The following FBXL2 variants were observed in gnomAD, a reference collection of about 807,000 sequenced individuals.
FBXL2 encodes the protein F-box/LRR-repeat protein 2.
In FBXL2, 38 loss-of-function variants were observed where a neutral mutation model predicts 69.2. The ratio of observed to expected loss-of-function variants is 0.55; its 90% CI spans 0.42 to 0.72. The LOEUF (loss-of-function observed/expected upper bound fraction) is 0.72. Ranked by LOEUF, FBXL2 falls within the 30% of genes least tolerant of loss-of-function variation. The probability of loss-of-function intolerance (pLI) is 0.00; values close to 1 mark genes in which losing one functional copy is unlikely to be tolerated. For missense variants in FBXL2, 354 were observed against 520.3 expected, an observed-to-expected ratio of 0.68 and a Z score of 3.11; for synonymous variants, 192 against 201.3, an observed-to-expected ratio of 0.95 and a Z score of 0.39.
chr3:33,307,071 A>G (rs1000320843), intron 2 of FBXL2, among the ~76,000 whole-genome samples: 1 of 152,134 alleles, frequency 6.6e-6, no homozygotes, highest in Non-Finnish European at 1.5e-5. Flanking sequence ...AAATATTTAC[A>G]TAGTTTCAAA....
chr3:33,327,422 T>TA (rs1183207675), intron 2 of FBXL2, among the ~76,000 whole-genome samples: 1 of 152,126 alleles, frequency 6.6e-6, no homozygotes, highest in Non-Finnish European at 1.5e-5. Flanking sequence ...GTTTGTCCTA[T>TA]AATCCACCCC....
At chr3:33,330,190 G>C (rs1032578597) in intron 2 of FBXL2, among the ~76,000 whole-genome samples, 1 of 151,946 alleles carries the variant, frequency 6.6e-6, no homozygotes, top group Non-Finnish European at 1.5e-5. Context: ...GGCTGAGGTG[G>C]AAGGATCTCT....
intron 5 of FBXL2, among the ~76,000 whole-genome samples, chr3:33,370,546 T>A (rs1381982952): frequency 6.6e-6 from 1 of 152,222 alleles, no homozygotes; most frequent in African/African-American, 2.4e-5. Flanking sequence ...GTCACCCTTA[T>A]GTTTTATTCT....
chr3:33,415,449 A>G, the FBXL2 span, among the ~76,000 whole-genome samples: 12 of 152,358 alleles, frequency 7.9e-5, no homozygotes, highest in Admixed American at 2.6e-4. Context: ...GGAATAGATG[A>G]AACAAGTCTG....
At chr3:33,328,900 T>G (rs913311738) in intron 2 of FBXL2, among the ~76,000 whole-genome samples, 1 of 151,896 alleles carries the variant, frequency 6.6e-6, no homozygotes, top group East Asian at 1.9e-4. Flanking sequence ...AAGCTAAAAC[T>G]ATTCTGCACA....
At chr3:33,288,616 T>G (rs963599783) in intron 1 of FBXL2, among the ~76,000 whole-genome samples, 2 of 152,148 alleles carry the variant, frequency 1.3e-5, no homozygotes, top group African/African-American at 4.8e-5. Context: ...AGGGCACTAC[T>G]CAAAGGTGCC....
At chr3:33,312,657 T>C (rs1206539590) in intron 2 of FBXL2, among the ~76,000 whole-genome samples, 1 of 152,210 alleles carries the variant, frequency 6.6e-6, no homozygotes, top group Non-Finnish European at 1.5e-5. Flanking sequence ...TTTTAGCTAC[T>C]ATATATTATA....
intron 2 of FBXL2, among the ~76,000 whole-genome samples, chr3:33,308,173 G>A (rs2036883431): frequency 6.6e-6 from 1 of 152,112 alleles, no homozygotes; most frequent in Admixed American, 6.6e-5. Context: ...ACTGCACCTG[G>A]CTTCTTGTAG....
rs187765439 is a variant in FBXL2, at chr3:33,367,842, G to A, written c.290+3123G>A. 3.7e-4 allele frequency among the ~76,000 whole-genome samples: 57 copies of A among 152,092 alleles called. 1 individual carries two copies. The highest frequency in any genetic ancestry group is 3.7e-3 in the Admixed American group (56 of 15,268). On this transcript the variant is annotated intron_variant, in intron 5 of 14. Transcript: ENST00000484457. ...TTTGAGACCTTTTTTTCTAGTATGG[G>A]AGTTTAATGACATAAACTAAGTCAA... is the stretch of plus-strand genomic sequence containing the variant.
At chr3:33,411,448 A>T in the FBXL2 span, 1 of 704,068 alleles carries the variant, frequency 1.4e-6, no homozygotes, top group Non-Finnish European at 2.4e-6. Flanking sequence ...AAACCTAACT[A>T]TGTATATAGA....
chr3:33,309,381 C>T (rs2036991653), intron 2 of FBXL2, among the ~76,000 whole-genome samples: 1 of 152,028 alleles, frequency 6.6e-6, no homozygotes, highest in African/African-American at 2.4e-5. Flanking sequence ...TCTCTTTTTA[C>T]AGTTTTTGAC....
intron 13 of FBXL2, 175 bp from the exon 14 acceptor site, chr3:33,383,814 G>C (rs1028737610): frequency 1.8e-5 from 11 of 603,240 alleles, no homozygotes; most frequent in Middle Eastern, 4.2e-4. Flanking sequence ...GTAATGAACA[G>C]AAACTTCTCA....
intron 5 of FBXL2, chr3:33,372,785 C>G: frequency 4.2e-6 from 2 of 481,780 alleles, no homozygotes; most frequent in East Asian, 3.8e-5. Context: ...TCTCATGATT[C>G]GGTGATGACT....
the FBXL2 span, chr3:33,416,941 T>C: frequency 1.9e-5 from 18 of 941,964 alleles, no homozygotes; most frequent in African/African-American, 1.7e-4. Flanking sequence ...ACAATGATAG[T>C]TTGTTAATTT....
chr3:33,361,658 A>G (rs756627349), intron 4 of FBXL2, among the ~76,000 whole-genome samples: 5 of 152,260 alleles, frequency 3.3e-5, no homozygotes, highest in African/African-American at 4.8e-5. Context: ...TTAAAAGTAT[A>G]TCCACCAAAG....
At chr3:33,334,113 T>C (rs2039379602) in intron 2 of FBXL2, among the ~76,000 whole-genome samples, 1 of 152,208 alleles carries the variant, frequency 6.6e-6, no homozygotes, top group Non-Finnish European at 1.5e-5. Flanking sequence ...AATAAAATTA[T>C]ACTACATTCT....
downstream of FBXL2, chr3:33,390,663 T>C (rs2043725527): frequency 4.6e-6 from 2 of 438,300 alleles, no homozygotes; most frequent in African/African-American, 2.0e-5. Flanking sequence ...ACAATAATAG[T>C]GCTGTCCATA....
the FBXL2 span, among the ~76,000 whole-genome samples, chr3:33,419,448 T>G: frequency 6.6e-6 from 1 of 151,972 alleles, no homozygotes; most frequent in Admixed American, 6.6e-5. Context: ...GCCAACACAG[T>G]GAAACCCCGT....
chr3:33,326,493 G>A (rs1192049883), intron 2 of FBXL2, among the ~76,000 whole-genome samples: 2 of 146,834 alleles, frequency 1.4e-5, no homozygotes, highest in Admixed American at 6.9e-5. Flanking sequence ...GCCACAGAGC[G>A]AGACTCCGTC....
Sources: allele counts gnomAD v4.1 joint callset (sites outside exome capture counted in the v4.1 genomes callset), GRCh38; gene constraint gnomAD v4.1.1; transcripts MANE v1.5; gene names NCBI Gene and HGNC (gene_info 2026-07-23, HGNC 2026-07-21).